HK1: variants seen among roughly 807,000 people sequenced by gnomAD.
The protein encoded by HK1 is hexokinase 1.
Under a neutral mutation model 91.6 loss-of-function variants are expected in HK1, and 28 were observed. The observed-to-expected ratio is 0.31, with a 90% CI of 0.23 to 0.42. The LOEUF (loss-of-function observed/expected upper bound fraction) is 0.42. Among genes scored for constraint, HK1 ranks in the 10% least tolerant of loss-of-function variants. HK1 has a pLI of 1.00. For missense variants in HK1, 770 were observed against 1,219.8 expected (o/e 0.63, Z 5.49); for synonymous variants, 430 against 468.1 (o/e 0.92, Z 1.05).
chr10:69,276,118 A>ATAT (rs1426672139), intron 1 of HK1, among the ~76,000 whole-genome samples: 7 of 38,268 alleles, frequency 1.8e-4, no homozygotes, highest in Admixed American at 5.6e-4. Flanking sequence ...AAAAAAAAAA[A>ATAT]ATACATATAT....
At chr10:69,339,375 T>A (rs552984380) in intron 1 of HK1, among the ~76,000 whole-genome samples, 1 of 152,330 alleles carries the variant, frequency 6.6e-6, no homozygotes, top group South Asian at 2.1e-4. Context: ...GGGCTTCCCT[T>A]CATTGTCCTC....
intron 5 of HK1, among the ~76,000 whole-genome samples, chr10:69,304,906 A>G (rs1023673796): frequency 2.0e-5 from 3 of 152,180 alleles, no homozygotes; most frequent in Non-Finnish European, 4.4e-5. Context: ...CCTGGAGGCT[A>G]GAAGTCCAAA....
chr10:69,283,549 G>A (rs1181948796), intron 2 of HK1, among the ~76,000 whole-genome samples: 1 of 151,464 alleles, frequency 6.6e-6, no homozygotes, highest in Non-Finnish European at 1.5e-5. Flanking sequence ...GGAAGGCCAA[G>A]GTGGGCAGAT....
chr10:69,389,440 GGGC>G, intron 14 of HK1, 144 bp downstream of exon 14: 1 of 680,114 alleles, frequency 1.5e-6, no homozygotes, highest in Non-Finnish European at 2.7e-6. Context: ...CCAGAGTTCA[GGGC>G]TGGACGAAGG....
chr10:69,388,342 G>A (rs562201921), intron 13 of HK1, among the ~76,000 whole-genome samples: 1 of 152,284 alleles, frequency 6.6e-6, no homozygotes, highest in South Asian at 2.1e-4. Flanking sequence ...ACCTACTGAG[G>A]AGGCTGAGGT....
At chr10:69,292,555 C>T (rs1845342837) in intron 3 of HK1, among the ~76,000 whole-genome samples, 1 of 152,162 alleles carries the variant, frequency 6.6e-6, no homozygotes, top group Non-Finnish European at 1.5e-5. Context: ...GCCCCTTGTG[C>T]TCTGTCACTC....
intron 2 of HK1, among the ~76,000 whole-genome samples, chr10:69,357,440 T>C (rs1283756049): frequency 6.6e-6 from 1 of 152,176 alleles, no homozygotes. Context: ...CAAGGTCATA[T>C]ACCGTATGAT....
intron 14 of HK1, among the ~76,000 whole-genome samples, chr10:69,390,307 C>G (rs1358630085): frequency 6.6e-6 from 1 of 152,262 alleles, no homozygotes; most frequent in Non-Finnish European, 1.5e-5. Flanking sequence ...CTCTCCTCCT[C>G]CTGCAGGCCC....
At chr10:69,373,754 T>A (rs1850141808) in intron 7 of HK1, among the ~76,000 whole-genome samples, 1 of 151,922 alleles carries the variant, frequency 6.6e-6, no homozygotes, top group Non-Finnish European at 1.5e-5. Flanking sequence ...CATGCCTGGC[T>A]AATTTTAAAA....
chr10:69,322,678 G>A (rs1847108360), intron 1 of HK1, among the ~76,000 whole-genome samples: 1 of 151,174 alleles, frequency 6.6e-6, no homozygotes. Context: ...ATCACCTGAG[G>A]TCGGGAGTTC....
chr10:69,374,231 C>T (rs1850168495), intron 7 of HK1, among the ~76,000 whole-genome samples: 1 of 152,204 alleles, frequency 6.6e-6, no homozygotes, highest in Non-Finnish European at 1.5e-5. Flanking sequence ...CCTTGGGCTT[C>T]TACCTGAAGC....
intron 1 of HK1, among the ~76,000 whole-genome samples, chr10:69,337,606 G>A (rs1239727141): frequency 6.6e-6 from 1 of 152,344 alleles, no homozygotes; most frequent in East Asian, 1.9e-4. Flanking sequence ...GCAAAGGGAA[G>A]TGAATTCTGA....
chr10:69,392,046 A>G (rs1475543774), intron 14 of HK1, 79 bp from the exon 15 acceptor site: 8 of 1,454,754 alleles, frequency 5.5e-6, no homozygotes, highest in African/African-American at 1.4e-5. Context: ...GTGGAACCTC[A>G]GGCCCCAGAC....
At chr10:69,393,586 C>G (rs550303880) in intron 15 of HK1, among the ~76,000 whole-genome samples, 5 of 152,370 alleles carry the variant, frequency 3.3e-5, no homozygotes, top group African/African-American at 1.2e-4. Context: ...CGTGAGCCAC[C>G]GTGCCCAGTG....
chr10:69,364,591 T>C (rs1442161284), intron 3 of HK1, among the ~76,000 whole-genome samples, 192 bp from the exon 4 acceptor site: 1 of 152,204 alleles, frequency 6.6e-6, no homozygotes, highest in Non-Finnish European at 1.5e-5. Context: ...GGGTAGCTTT[T>C]GAAAAGTGAC....
intron 4 of HK1, among the ~76,000 whole-genome samples, chr10:69,297,678 T>C (rs1406616272): frequency 6.6e-6 from 1 of 151,816 alleles, no homozygotes; most frequent in Non-Finnish European, 1.5e-5. Flanking sequence ...GCGTATCACC[T>C]GAGGTCGGGT....
At chr10:69,307,982 G>A (rs1295025701) in intron 5 of HK1, among the ~76,000 whole-genome samples, 1 of 151,934 alleles carries the variant, frequency 6.6e-6, no homozygotes, top group Admixed American at 6.6e-5. Flanking sequence ...GGGACTATAG[G>A]TGCACACCAC....
chr10:69,382,675 TG>T lies in HK1; in HGVS notation c.1456del (p.Glu486ArgfsTer2), dbSNP rs1460702652. On this transcript the variant is annotated frameshift_variant, in exon 10 of 18. Coordinates refer to ENST00000359426, the MANE Select transcript of HK1 (RefSeq NM_000188.3). LOFTEE classifies it high-confidence loss of function. ...TTCCACCTCACCAAGGACATGCTGC[TG>T]GAGGTGAAGAAGAGGATGCGGGCCG... ...AHFHLTKDMLLEVKKRMRAEM... is the reference protein window; with the variant it reads ...AHFHLTKDMLXEVKKRMRAEM... 6.2e-7 allele frequency: 1 copy of T among 1,613,866 alleles called. No individual in the cohort carries two copies. The highest frequency in any genetic ancestry group is 1.7e-5 in the Admixed American group (1 of 60,012).
intron 4 of HK1, among the ~76,000 whole-genome samples, chr10:69,365,927 G>A (rs1488686319): frequency 2.0e-5 from 3 of 152,132 alleles, no homozygotes; most frequent in Non-Finnish European, 4.4e-5. Context: ...CACCTCCCAG[G>A]TTCAAGCAAT....
Sources: gnomAD v4.1 joint callset for allele counts (sites outside exome capture counted in the v4.1 genomes callset) on GRCh38, gnomAD v4.1.1 for gene constraint, MANE v1.5 for transcripts, NCBI Gene and HGNC (gene_info 2026-07-23, HGNC 2026-07-21) for gene names.